WDPCP: variants seen among roughly 807,000 people sequenced by gnomAD.
WDPCP encodes WD repeat containing planar cell polarity effector.
A neutral mutation model predicts 93.1 loss-of-function variants in WDPCP; 71 were observed. That is an observed-to-expected ratio of 0.76 (90% CI 0.63 to 0.93). The LOEUF (loss-of-function observed/expected upper bound fraction) is 0.93, where lower values mean the gene tolerates loss of function less well. WDPCP is among the 40% of genes least tolerant of loss of function. The pLI is 0.00. For missense variants in WDPCP, 844 were observed against 887.4 expected, an observed-to-expected ratio of 0.95 and a Z score of 0.62; for synonymous variants, 315 against 315.0, an observed-to-expected ratio of 1.00 and a Z score of 0.00.
intron 3 of WDPCP, chr2:63,622,086 G>C (rs1321057129): frequency 8.9e-6 from 6 of 676,590 alleles, no homozygotes; most frequent in East Asian, 9.4e-5. Flanking sequence ...TTTTTTTTTG[G>C]AAGTTGATTT....
intron 3 of WDPCP, chr2:63,595,603 A>G (rs13406158): frequency 7.7e-6 from 6 of 778,386 alleles, no homozygotes; most frequent in African/African-American, 7.0e-5. Context: ...AAGGCTCTCA[A>G]TTAGAAATTA....
At chr2:63,798,715 T>A (rs181714460) in intron 2 of WDPCP, among the ~76,000 whole-genome samples, 1 of 152,232 alleles carries the variant, frequency 6.6e-6, no homozygotes, top group African/African-American at 2.4e-5. Flanking sequence ...CAGTAGTAAG[T>A]CTTTACTTAT....
At chr2:63,253,483 C>T (rs984184552) in intron 14 of WDPCP, among the ~76,000 whole-genome samples, 2 of 152,052 alleles carry the variant, frequency 1.3e-5, no homozygotes, top group Non-Finnish European at 2.9e-5. Context: ...TATTTGCAAA[C>T]TATGCTATGC....
intron 2 of WDPCP, among the ~76,000 whole-genome samples, chr2:63,699,020 T>C (rs1669001391): frequency 6.6e-6 from 1 of 152,162 alleles, no homozygotes; most frequent in Non-Finnish European, 1.5e-5. Context: ...TCACAGTGAC[T>C]CATCTGAGCA....
At chr2:63,152,384 C>T (rs989675706) in intron 17 of WDPCP, among the ~76,000 whole-genome samples, 25 of 151,648 alleles carry the variant, frequency 1.6e-4, no homozygotes, top group African/African-American at 5.8e-4. Flanking sequence ...AAGTAATTCT[C>T]ATGCCTCAGC....
chr2:63,699,454 C>A (rs1669013271), intron 2 of WDPCP, among the ~76,000 whole-genome samples: 1 of 152,140 alleles, frequency 6.6e-6, no homozygotes, highest in Non-Finnish European at 1.5e-5. Flanking sequence ...GCTAGACTTA[C>A]AAAGAAGGAA....
At chr2:63,164,985 G>A (rs1448038283) in intron 15 of WDPCP, among the ~76,000 whole-genome samples, 1 of 152,130 alleles carries the variant, frequency 6.6e-6, no homozygotes, top group African/African-American at 2.4e-5. Flanking sequence ...TACAAGGAAT[G>A]TAGAATATGA....
At chr2:63,582,263 T>C (rs1309845783) in intron 1 of WDPCP, among the ~76,000 whole-genome samples, 1 of 152,006 alleles carries the variant, frequency 6.6e-6, no homozygotes, top group African/African-American at 2.4e-5. Context: ...AAACAATATG[T>C]GAAATAAAAA....
At chr2:63,189,772 G>A (rs1674900832) in intron 14 of WDPCP, among the ~76,000 whole-genome samples, 1 of 151,998 alleles carries the variant, frequency 6.6e-6, no homozygotes, top group Non-Finnish European at 1.5e-5. Flanking sequence ...CATTCTGCTT[G>A]GATATGCTAG....
intron 17 of WDPCP, among the ~76,000 whole-genome samples, chr2:63,128,679 C>G (rs750401039): frequency 6.6e-6 from 1 of 151,984 alleles, no homozygotes; most frequent in Admixed American, 6.6e-5. Flanking sequence ...CACTGTTCTA[C>G]TTATTTGAGA....
chr2:63,433,881 G>A lies in WDPCP; in HGVS notation c.689C>T (p.Ala230Val), dbSNP rs372998753. 4 of 1,613,996 alleles carry A rather than the reference G, an allele frequency of 2.5e-6. No homozygotes were observed. The highest frequency in any genetic ancestry group is 3.4e-6 in the Non-Finnish European group (4 of 1,179,926). Reference sequence around the variant, plus strand: ...AACTCTATCATGAACACAGTTGATAGCTAGATGTCGCTCTGTTGTCTTGTT... The same window carrying A: ...AACTCTATCATGAACACAGTTGATAACTAGATGTCGCTCTGTTGTCTTGTT... ...PINKTTERHL[A>V]INCVHDRVVC... The change falls in exon 9 of 18, where the codon GCT becomes GTT. Residue 230 changes from alanine (A) to valine (V), a missense_variant. Coordinates refer to ENST00000272321, the MANE Select transcript of WDPCP (RefSeq NM_015910.7).
chr2:63,728,788 G>T (rs1318347335), intron 2 of WDPCP, among the ~76,000 whole-genome samples: 1 of 152,062 alleles, frequency 6.6e-6, no homozygotes, highest in Non-Finnish European at 1.5e-5. Context: ...TTCCACAGGG[G>T]TTCCTTCCAG....
At chr2:63,238,956 AG>A (rs749973346) in intron 14 of WDPCP, among the ~76,000 whole-genome samples, 55 of 152,172 alleles carry the variant, frequency 3.6e-4, no homozygotes, top group Non-Finnish European at 6.8e-4. Context: ...TATTCCTACC[AG>A]GGCCAATTTT....
chr2:63,647,751 G>A (rs1364889233), intron 3 of WDPCP, among the ~76,000 whole-genome samples: 1 of 151,868 alleles, frequency 6.6e-6, no homozygotes, highest in Non-Finnish European at 1.5e-5. Context: ...TAACCACTGG[G>A]TAAAACTGGG....
chr2:63,497,400 G>A (rs1054082630), intron 1 of WDPCP, among the ~76,000 whole-genome samples: 3 of 152,158 alleles, frequency 2.0e-5, no homozygotes, highest in Admixed American at 1.3e-4. Flanking sequence ...CCCAAGATCT[G>A]TGTGATTAAG....
At chr2:63,628,720 T>G (rs1437599198) in intron 3 of WDPCP, among the ~76,000 whole-genome samples, 6 of 152,180 alleles carry the variant, frequency 3.9e-5, no homozygotes, top group Non-Finnish European at 8.8e-5. Context: ...GGTAATAATG[T>G]CCTTTACAGC....
At chr2:63,599,090 A>G in intron 3 of WDPCP, 1 of 1,450,714 alleles carries the variant, frequency 6.9e-7, no homozygotes, top group Non-Finnish European at 9.4e-7. Flanking sequence ...TACCTGTTAG[A>G]CATTTTCAGT....
chr2:63,493,629 A>G (rs2105955849), intron 1 of WDPCP, among the ~76,000 whole-genome samples: 1 of 151,970 alleles, frequency 6.6e-6, no homozygotes, highest in African/African-American at 2.4e-5. Context: ...GGACACTATG[A>G]ATACTTTTTT....
intron 17 of WDPCP, among the ~76,000 whole-genome samples, chr2:63,147,134 C>T (rs1671572973): frequency 6.6e-6 from 1 of 152,044 alleles, no homozygotes; most frequent in Non-Finnish European, 1.5e-5. Context: ...AACTGGAAAG[C>T]ACAGGTTAGT....
Sources: gnomAD v4.1 joint callset for allele counts (sites outside exome capture counted in the v4.1 genomes callset) on GRCh38, gnomAD v4.1.1 for gene constraint, MANE v1.5 for transcripts, NCBI Gene and HGNC (gene_info 2026-07-23, HGNC 2026-07-21) for gene names.